Variants in C1orf87 observed in about 807,000 individuals in gnomAD.
C1orf87 encodes the protein uncharacterized protein C1orf87.
C1orf87 carries 58 observed loss-of-function variants against 60.5 expected under a neutral mutation model. The observed-to-expected ratio is 0.96, with a 90% confidence interval of 0.78 to 1.19. The LOEUF (loss-of-function observed/expected upper bound fraction) is 1.19, where lower values mean the gene tolerates loss of function less well. C1orf87 is among the 50% of genes most tolerant of loss of function. The probability of loss-of-function intolerance (pLI) is 0.00; values close to 1 mark genes in which losing one functional copy is unlikely to be tolerated. For missense variants in C1orf87, 673 were observed against 638.6 expected (o/e 1.05, Z -0.58); for synonymous variants, 236 against 227.4 (o/e 1.04, Z -0.34).
At chr1:59,993,078 C>A (rs997910200) in intron 11 of C1orf87, among the ~76,000 whole-genome samples, 2 of 151,950 alleles carry the variant, frequency 1.3e-5, no homozygotes, top group African/African-American at 2.4e-5. Context: ...AAGTTTATGA[C>A]TGTAAGAAAA....
chr1:60,067,349 T>C (rs1029443017), intron 2 of C1orf87, among the ~76,000 whole-genome samples: 5 of 152,136 alleles, frequency 3.3e-5, no homozygotes, highest in Admixed American at 3.3e-4. Context: ...ATTTCAATGA[T>C]TGCCATTCTA....
At chr1:60,015,506 T>C (rs1473083385) in intron 8 of C1orf87, among the ~76,000 whole-genome samples, 1 of 152,226 alleles carries the variant, frequency 6.6e-6, no homozygotes, top group Non-Finnish European at 1.5e-5. Flanking sequence ...AAAATTATTT[T>C]CTCACAGTTC....
chr1:60,041,270 A>G, intron 3 of C1orf87, 139 bp from the exon 4 acceptor site: 1 of 711,788 alleles, frequency 1.4e-6, no homozygotes, highest in Non-Finnish European at 2.1e-6. Flanking sequence ...TAGCCCATGT[A>G]TCATTGAGTC....
At chr1:59,992,183 C>T (rs1028895477) in intron 11 of C1orf87, among the ~76,000 whole-genome samples, 12 of 151,794 alleles carry the variant, frequency 7.9e-5, no homozygotes, top group East Asian at 3.9e-4. Context: ...CACTACAGTA[C>T]GTTATGGAAT....
At position 60,055,328 on chromosome 1, in the gene C1orf87, T is replaced by C. The variant is rs1344139274; in HGVS notation, c.218A>G (p.Asp73Gly). Residue 73 changes from aspartate (D) to glycine (G), a missense_variant, in exon 3 of 12, where the codon GAT (aspartate) becomes GGT (glycine). Coordinates refer to ENST00000371201, the MANE Select transcript of C1orf87 (RefSeq NM_152377.3). The part of the protein sequence containing the change: ...RDTPVPINFT[D>G]QQTTDNPDDV... Reference sequence around the variant, plus strand: ...ATCTGGATTATCAGTGGTTTGCTGATCAGTGAAGTTAATGGGAACTGGGGT... The same window carrying C: ...ATCTGGATTATCAGTGGTTTGCTGACCAGTGAAGTTAATGGGAACTGGGGT... The C allele has an allele frequency of 6.2e-7, 1 of 1,614,166 alleles. No homozygotes were observed. The highest frequency in any genetic ancestry group is 2.2e-5 in the East Asian group (1 of 44,874).
rs772424961 is a variant in C1orf87 at position 60,033,436 on chromosome 1, C to T, written c.1029+40G>A. ...CTATAGACCCAATGCCCTGAAGTGGCCTTTACAGAGGAACAAATCTGAAAT... is the reference window on the plus strand; with the variant it reads ...CTATAGACCCAATGCCCTGAAGTGGTCTTTACAGAGGAACAAATCTGAAAT... On this transcript the variant is annotated intron_variant, in intron 7 of 11. Coordinates refer to ENST00000371201, the MANE Select transcript of C1orf87 (RefSeq NM_152377.3). 4 of 1,590,098 alleles carry T rather than the reference C, an allele frequency of 2.5e-6. 1 individual carries two copies. Among genetic ancestry groups the T allele is most frequent in the South Asian group, 2.3e-5 (2 of 86,414 alleles).
rs557542352 is a variant in C1orf87 at position 60,037,426 on chromosome 1, G to A, written c.863+566C>T. Among the ~76,000 whole-genome samples the A allele has an allele frequency of 1.2e-4, 19 of 152,326 alleles. 1 individual carries two copies. The South Asian group carries it at 3.5e-3, about 28-fold the overall frequency. On this transcript the variant is annotated intron_variant, in intron 6 of 11. Transcript: ENST00000371201. The stretch of plus-strand genomic sequence containing the variant: ...TTTTATTTCTTCAGTTCACAGGGGT[G>A]AGAAGTGCAAGGTCAGTGGCAGGCA...
chr1:60,025,348 TG>T, intron 8 of C1orf87, 52 bp downstream of exon 8: 1 of 1,369,570 alleles, frequency 7.3e-7, no homozygotes, highest in Non-Finnish European at 1.0e-6. Flanking sequence ...CCATATCATT[TG>T]GGGAAGGGGT....
In C1orf87 at chr1:60,033,589, C is replaced by G. The variant is rs747840403; in HGVS notation, c.916G>C (p.Glu306Gln). ...SQPEVNRSLL[E>Q]ILKMALRTTN... is the part of the protein sequence containing the mutation. ...GTCCTTAGTGCCATCTTCAAAATCT[C>G]CAACAGACTCCTGTTCACTTCTGGC... Residue 306 changes from glutamate to glutamine, a missense_variant, in exon 7 of 12, where the codon GAG becomes CAG. Physicochemically the swap from Glu to Gln is conservative, Grantham distance 29. Coordinates refer to ENST00000371201, the MANE Select transcript of C1orf87 (RefSeq NM_152377.3). 6.2e-7 allele frequency: 1 copy of G among 1,613,400 alleles called. No homozygotes were observed. The highest frequency in any genetic ancestry group is 1.1e-5 in the South Asian group (1 of 90,818).
chr1:60,048,781 T>C (rs1269268950), intron 3 of C1orf87, among the ~76,000 whole-genome samples: 4 of 151,934 alleles, frequency 2.6e-5, no homozygotes, highest in Non-Finnish European at 5.9e-5. Context: ...ACATAATAGA[T>C]ATATATATAG....
chr1:59,994,242 G>A (rs750868686), intron 11 of C1orf87, among the ~76,000 whole-genome samples: 22 of 151,960 alleles, frequency 1.4e-4, no homozygotes, highest in Admixed American at 3.3e-4. Context: ...AATGGGTGGA[G>A]TCTGGATTTG....
At chr1:60,060,353 T>C (rs758061433) in intron 2 of C1orf87, among the ~76,000 whole-genome samples, 6 of 152,096 alleles carry the variant, frequency 3.9e-5, no homozygotes, top group Non-Finnish European at 5.9e-5. Context: ...AAATAATCCT[T>C]ATCAAGATAA....
intron 11 of C1orf87, among the ~76,000 whole-genome samples, chr1:59,993,756 C>CTT (rs768907279): frequency 3.9e-4 from 51 of 129,194 alleles, no homozygotes; most frequent in Non-Finnish European, 5.4e-4. Context: ...AATAAGAATC[C>CTT]TTTTTTTTTT....
intron 10 of C1orf87, among the ~76,000 whole-genome samples, chr1:60,000,428 T>C (rs1169957646): frequency 1.3e-5 from 2 of 152,104 alleles, no homozygotes; most frequent in African/African-American, 4.8e-5. Flanking sequence ...ATGGGTACTA[T>C]TTTCTAAAAT....
chr1:60,052,355 C>T (rs79318707), intron 3 of C1orf87, among the ~76,000 whole-genome samples: 2,248 of 152,114 alleles, frequency 0.015, 125 homozygotes, highest in East Asian at 0.14. Context: ...CAAAAACATA[C>T]GCATATAAAG....
Position 59,997,669 on chromosome 1 carries a change from A to T in C1orf87, c.1420T>A (p.Trp474Arg). The change falls in exon 11 of 12, where the codon TGG becomes AGG. Residue 474 changes from tryptophan to arginine, a missense_variant. Trp to Arg is a moderately radical substitution (Grantham distance 101, BLOSUM62 -3). Coordinates refer to ENST00000371201, the MANE Select transcript of C1orf87 (RefSeq NM_152377.3). ...TCCAGCTTCCTGAACCTGTCTATCC[A>T]CGTCTCACATTCCTCAGCCTTGTTC... ...VKNKAEECET[W>R]IDRFRKLENA... 6.2e-7 allele frequency: 1 copy of T among 1,613,938 alleles called. No individual in the cohort carries two copies. The highest frequency in any genetic ancestry group is 8.5e-7 in the Non-Finnish European group (1 of 1,179,910).
intron 11 of C1orf87, among the ~76,000 whole-genome samples, chr1:59,991,331 C>T (rs1644922380): frequency 6.6e-6 from 1 of 152,144 alleles, no homozygotes; most frequent in South Asian, 2.1e-4. Flanking sequence ...ATATTCCCCT[C>T]CCCAACAGTG....
At chr1:60,027,427 T>C (rs1035891299) in intron 7 of C1orf87, among the ~76,000 whole-genome samples, 2 of 152,240 alleles carry the variant, frequency 1.3e-5, no homozygotes, top group African/African-American at 2.4e-5. Flanking sequence ...CTCTGCCTCC[T>C]GACAGAACCT....
intron 10 of C1orf87, among the ~76,000 whole-genome samples, chr1:60,000,103 C>G (rs1196887952): frequency 6.6e-6 from 1 of 152,110 alleles, no homozygotes; most frequent in East Asian, 1.9e-4. Flanking sequence ...TGGCTAGTGG[C>G]TGGCACACAG....
Sources: allele counts gnomAD v4.1 joint callset (sites outside exome capture counted in the v4.1 genomes callset), GRCh38; gene constraint gnomAD v4.1.1; transcripts MANE v1.5; gene names NCBI Gene and HGNC (gene_info 2026-07-23, HGNC 2026-07-21).